Variants in FOXP2 observed in about 807,000 individuals in gnomAD.
FOXP2 encodes the protein forkhead box P2, also known as forkhead box protein P2.
Under a neutral mutation model 115.8 loss-of-function variants are expected in FOXP2, and 12 were observed. That is an observed-to-expected ratio of 0.10 (90% CI 0.07 to 0.17). The LOEUF (loss-of-function observed/expected upper bound fraction) is 0.17. Ranked by LOEUF, FOXP2 falls within the 10% of genes least tolerant of loss-of-function variation. FOXP2 has a pLI of 1.00. For missense variants in FOXP2, 629 were observed against 843.5 expected (o/e 0.75, Z 3.15); for synonymous variants, 328 against 297.7 (o/e 1.10, Z -1.05).
At chr7:114,513,842 C>A (rs1029194408) in intron 2 of FOXP2, among the ~76,000 whole-genome samples, 2 of 151,770 alleles carry the variant, frequency 1.3e-5, no homozygotes, top group East Asian at 3.9e-4. Context: ...TTAAATTATG[C>A]TTTTTTATAT....
intron 1 of FOXP2, among the ~76,000 whole-genome samples, chr7:114,203,499 AT>A (rs201387638): frequency 2.6e-5 from 4 of 151,006 alleles, no homozygotes; most frequent in Admixed American, 6.6e-5. Flanking sequence ...GGCCCAGCTA[AT>A]TTTTTTTTCT....
intron 1 of FOXP2, among the ~76,000 whole-genome samples, chr7:114,207,869 T>TA (rs1397677555): frequency 6.6e-6 from 1 of 152,212 alleles, no homozygotes; most frequent in Non-Finnish European, 1.5e-5. Context: ...TGATTAAAAA[T>TA]AACTGAAAAG....
chr7:114,424,693 T>C (rs1793765527), intron 1 of FOXP2, among the ~76,000 whole-genome samples: 1 of 151,582 alleles, frequency 6.6e-6, no homozygotes, highest in Non-Finnish European at 1.5e-5. Flanking sequence ...ATATGATTTT[T>C]TCTTTGTTAA....
intron 1 of FOXP2, among the ~76,000 whole-genome samples, chr7:114,165,289 A>G (rs568479079): frequency 6.6e-6 from 1 of 152,322 alleles, no homozygotes; most frequent in South Asian, 2.1e-4. Context: ...AAGGCAAGAA[A>G]ACAAAAAAAG....
intron 3 of FOXP2, among the ~76,000 whole-genome samples, chr7:114,588,380 T>C (rs989252004): frequency 2.0e-5 from 3 of 152,088 alleles, no homozygotes; most frequent in African/African-American, 7.2e-5. Context: ...AATGCCTGCA[T>C]GTTTAAAAGT....
chr7:114,501,487 A>C (rs934577973), intron 2 of FOXP2, among the ~76,000 whole-genome samples: 1 of 152,136 alleles, frequency 6.6e-6, no homozygotes, highest in Non-Finnish European at 1.5e-5. Context: ...TAGATGTTGC[A>C]TGTCAGAAAA....
intron 2 of FOXP2, among the ~76,000 whole-genome samples, chr7:114,483,065 A>G (rs13233061): frequency 2.0e-5 from 3 of 151,652 alleles, no homozygotes; most frequent in Non-Finnish European, 3.0e-5. Flanking sequence ...GAAGCTATGT[A>G]AATAGTACAT....
At chr7:114,290,714 A>G (rs1351169152) in intron 2 of FOXP2, among the ~76,000 whole-genome samples, 1 of 152,190 alleles carries the variant, frequency 6.6e-6, no homozygotes, top group Admixed American at 6.6e-5. Flanking sequence ...GGAGCTATTG[A>G]GAATGCAAGG....
chr7:114,216,881 T>G (rs1487363811), intron 1 of FOXP2, among the ~76,000 whole-genome samples: 1 of 152,200 alleles, frequency 6.6e-6, no homozygotes, highest in Admixed American at 6.5e-5. Context: ...CTTAAGTAAA[T>G]TATTCTGGCC....
chr7:114,421,989 T>C (rs1260479634), intron 1 of FOXP2, among the ~76,000 whole-genome samples: 3 of 151,746 alleles, frequency 2.0e-5, no homozygotes, highest in Non-Finnish European at 2.9e-5. Context: ...GTATGAGGTT[T>C]CTTGTTACAT....
chr7:114,196,593 T>C (rs1040785976), intron 1 of FOXP2, among the ~76,000 whole-genome samples: 2 of 152,348 alleles, frequency 1.3e-5, no homozygotes, highest in East Asian at 3.9e-4. Context: ...GACTGTAATT[T>C]ACACTTTTTA....
At chr7:114,539,559 TA>T (rs200564460) in intron 3 of FOXP2, among the ~76,000 whole-genome samples, 2,466 of 151,046 alleles carry the variant, frequency 0.016, 56 homozygotes, top group African/African-American at 0.051. Flanking sequence ...TTCTTGATCA[TA>T]AAAAAAAAGA....
chr7:114,349,164 A>G (rs898259087), intron 2 of FOXP2, among the ~76,000 whole-genome samples: 1 of 151,992 alleles, frequency 6.6e-6, no homozygotes, highest in South Asian at 2.1e-4. Context: ...ACCTAAAATT[A>G]ACTGTAGACA....
chr7:114,488,709 G>A (rs1335878938), intron 2 of FOXP2, among the ~76,000 whole-genome samples: 1 of 152,100 alleles, frequency 6.6e-6, no homozygotes, highest in Non-Finnish European at 1.5e-5. Flanking sequence ...CAAGGTTTAA[G>A]CTCTACCTTT....
rs570307354 is a variant in FOXP2 at position 114,525,918 on chromosome 7, C to G, written c.169-8699C>G. Among the ~76,000 whole-genome samples the G allele has an allele frequency of 1.7e-4, 26 of 151,922 alleles. No individual in the cohort carries two copies. The South Asian group carries it at 5.4e-3, about 32-fold the overall frequency. ...CTTGAGGTCAGGAGTTTCAGACCAG[C>G]CTGAGCAATGTGTTGAAATCCCATC... is the stretch of plus-strand genomic sequence containing the variant. On this transcript the variant is annotated intron_variant, in intron 2 of 16. Transcript: ENST00000350908.
intron 2 of FOXP2, among the ~76,000 whole-genome samples, chr7:114,289,406 T>C (rs1018106711): frequency 1.1e-4 from 17 of 151,902 alleles, no homozygotes; most frequent in African/African-American, 2.9e-4. Context: ...ATAGAACACA[T>C]GTCTGCTAAC....
chr7:114,676,473 A>G (rs1463176069), intron 16 of FOXP2, among the ~76,000 whole-genome samples: 5 of 152,162 alleles, frequency 3.3e-5, no homozygotes, highest in Non-Finnish European at 5.9e-5. Flanking sequence ...GATGAAATAA[A>G]ATCAGTTTCC....
intron 7 of FOXP2, among the ~76,000 whole-genome samples, 189 bp downstream of exon 7, chr7:114,642,812 A>ATTTTTTT (rs869136743): frequency 9.7e-5 from 7 of 72,436 alleles, no homozygotes; most frequent in Admixed American, 2.0e-4. Context: ...ATATATATAT[A>ATTTTTTT]TTTTTTTTTT....
chr7:114,294,816 G>A (rs1369426671), intron 2 of FOXP2, among the ~76,000 whole-genome samples: 3 of 151,730 alleles, frequency 2.0e-5, no homozygotes, highest in African/African-American at 7.3e-5. Context: ...ATTCCAGCCT[G>A]GGCAACAGAA....
Sources: gnomAD v4.1 joint callset for allele counts (sites outside exome capture counted in the v4.1 genomes callset) on GRCh38, gnomAD v4.1.1 for gene constraint, MANE v1.5 for transcripts, NCBI Gene and HGNC (gene_info 2026-07-23, HGNC 2026-07-21) for gene names.